Variants in GSG1L observed in about 807,000 individuals in gnomAD.
The protein encoded by GSG1L is germ cell-specific gene 1-like protein.
Under a neutral mutation model 42.1 loss-of-function variants are expected in GSG1L, and 24 were observed. The observed-to-expected ratio is 0.57, with a 90% CI of 0.41 to 0.80. The LOEUF (loss-of-function observed/expected upper bound fraction) is 0.80, where lower values mean the gene tolerates loss of function less well. GSG1L is among the 30% of genes least tolerant of loss of function. GSG1L has a pLI of 0.00. For missense variants in GSG1L, 445 were observed against 472.2 expected, an observed-to-expected ratio of 0.94 and a Z score of 0.53; for synonymous variants, 215 against 203.5, an observed-to-expected ratio of 1.06 and a Z score of -0.48.
At chr16:27,917,733 T>C (rs562253447) in intron 2 of GSG1L, among the ~76,000 whole-genome samples, 2 of 152,324 alleles carry the variant, frequency 1.3e-5, no homozygotes, top group Admixed American at 6.5e-5. Flanking sequence ...CAGACTTCTC[T>C]TAGTTGCAAG....
chr16:27,813,800 G>A (rs1314102635), intron 5 of GSG1L, among the ~76,000 whole-genome samples: 2 of 152,252 alleles, frequency 1.3e-5, no homozygotes, highest in East Asian at 3.9e-4. Flanking sequence ...GACAAGGGTA[G>A]GCTTTGGGCA....
chr16:27,790,575 T>A lies in GSG1L; in HGVS notation c.*795A>T, dbSNP rs1038710750. On this transcript the variant is annotated 3_prime_UTR_variant, in exon 7 of 7. Coordinates refer to ENST00000447459, the MANE Select transcript of GSG1L (RefSeq NM_001109763.2). The stretch of plus-strand genomic sequence containing the variant: ...CCTCCTCAGGGTCAGGGTGGTGTGA[T>A]GTTGCTGAGCTCTGAAGAGAAATGT... The A allele has an allele frequency of 3.9e-5, 6 of 152,426 alleles. No homozygotes were observed. Among genetic ancestry groups the A allele is most frequent in the Middle Eastern group, 3.4e-3 (1 of 294 alleles). 9.4% of individuals were successfully genotyped at this position (152,426 alleles called of 1,614,324 possible). A position where few individuals can be genotyped will look rare whatever the true frequency, so the allele number is the denominator to read the frequency against.
At chr16:27,875,615 G>A (rs2083878052) in intron 3 of GSG1L, among the ~76,000 whole-genome samples, 1 of 152,212 alleles carries the variant, frequency 6.6e-6, no homozygotes. Flanking sequence ...CCACTTGCCT[G>A]CTGTTGCATG....
intron 3 of GSG1L, among the ~76,000 whole-genome samples, chr16:27,845,589 G>A (rs798769): frequency 0.16 from 24,056 of 152,094 alleles, 2,040 homozygotes; most frequent in Admixed American, 0.24. Flanking sequence ...TTTGGCTGGG[G>A]TCAGGGGACC....
chr16:28,058,972 G>A (rs1408029249), intron 1 of GSG1L, among the ~76,000 whole-genome samples: 1 of 152,206 alleles, frequency 6.6e-6, no homozygotes, highest in Non-Finnish European at 1.5e-5. Context: ...GCTGGGTGCA[G>A]GATGAACTGG....
intron 1 of GSG1L, among the ~76,000 whole-genome samples, chr16:27,972,516 T>C (rs2085203990): frequency 6.6e-6 from 1 of 152,244 alleles, no homozygotes; most frequent in Non-Finnish European, 1.5e-5. Context: ...GTTTATATGT[T>C]TAGTTAAGGG....
chr16:27,861,183 C>T (rs919977749), intron 3 of GSG1L, among the ~76,000 whole-genome samples: 1 of 152,146 alleles, frequency 6.6e-6, no homozygotes, highest in Non-Finnish European at 1.5e-5. Context: ...GCCTGGCCAA[C>T]ATGGTGAAAC....
chr16:27,943,577 T>C (rs1171188426), intron 2 of GSG1L, among the ~76,000 whole-genome samples: 3 of 130,202 alleles, frequency 2.3e-5, no homozygotes, highest in African/African-American at 8.6e-5. Context: ...TTTTTTTTTT[T>C]TTTTTTTTTT....
chr16:27,924,469 T>C (rs890522085), intron 2 of GSG1L, among the ~76,000 whole-genome samples: 1 of 152,232 alleles, frequency 6.6e-6, no homozygotes, highest in African/African-American at 2.4e-5. Context: ...ATGCAGGGCC[T>C]ACAGTTTTGT....
At chr16:27,979,684 A>AGAGGAGG (rs2085296030) in intron 1 of GSG1L, among the ~76,000 whole-genome samples, 1 of 66,356 alleles carries the variant, frequency 1.5e-5, no homozygotes, top group Non-Finnish European at 3.2e-5. Context: ...AGAGAGAAAG[A>AGAGGAGG]AAGAAGGAAG....
At chr16:27,890,158 C>G (rs1194822652) in intron 2 of GSG1L, among the ~76,000 whole-genome samples, 3 of 152,150 alleles carry the variant, frequency 2.0e-5, no homozygotes, top group Non-Finnish European at 4.4e-5. Flanking sequence ...AGTCAAGGCT[C>G]TTATTCAAGA....
At chr16:28,004,725 C>T (rs1279905343) in intron 1 of GSG1L, among the ~76,000 whole-genome samples, 3 of 152,082 alleles carry the variant, frequency 2.0e-5, no homozygotes, top group Non-Finnish European at 4.4e-5. Context: ...CCGCAGTGAG[C>T]TATGATTGCG....
intron 6 of GSG1L, among the ~76,000 whole-genome samples, chr16:27,803,818 T>TATAG (rs2082919244): frequency 6.7e-6 from 1 of 148,446 alleles, no homozygotes; most frequent in Non-Finnish European, 1.5e-5. Flanking sequence ...TAGATATAGA[T>TATAG]ATAGATATAG....
intron 4 of GSG1L, among the ~76,000 whole-genome samples, chr16:27,830,216 C>G (rs1261142309): frequency 1.3e-5 from 2 of 152,190 alleles, no homozygotes; most frequent in Non-Finnish European, 2.9e-5. Context: ...GCTCCTGGAT[C>G]CCTGTTCTTC....
intron 1 of GSG1L, among the ~76,000 whole-genome samples, chr16:28,008,713 G>T (rs1369817608): frequency 6.6e-6 from 1 of 152,230 alleles, no homozygotes; most frequent in Non-Finnish European, 1.5e-5. Flanking sequence ...CAGGGCCCTA[G>T]CCCAGTGGCT....
intron 6 of GSG1L, among the ~76,000 whole-genome samples, chr16:27,801,432 C>A (rs932037594): frequency 3.3e-5 from 5 of 152,176 alleles, no homozygotes; most frequent in Admixed American, 1.3e-4. Context: ...TTAATAATGC[C>A]GGCTCCCTGA....
chr16:27,844,081 G>A (rs900082978), intron 4 of GSG1L, among the ~76,000 whole-genome samples: 2 of 152,122 alleles, frequency 1.3e-5, no homozygotes, highest in African/African-American at 2.4e-5. Context: ...TGGAACAAAC[G>A]TGTCCTGAAG....
intron 1 of GSG1L, among the ~76,000 whole-genome samples, chr16:28,026,538 T>C (rs947227306): frequency 6.6e-6 from 1 of 152,052 alleles, no homozygotes; most frequent in Admixed American, 6.6e-5. Context: ...ATACCAGGCA[T>C]TTACTTCTCA....
At chr16:27,796,303 G>C (rs180767929) in intron 6 of GSG1L, among the ~76,000 whole-genome samples, 6 of 152,314 alleles carry the variant, frequency 3.9e-5, no homozygotes, top group Admixed American at 2.0e-4. Flanking sequence ...AGCTTGAAGA[G>C]TGGTGGAAAA....
Sources: gnomAD v4.1 joint callset for allele counts (sites outside exome capture counted in the v4.1 genomes callset) on GRCh38, gnomAD v4.1.1 for gene constraint, MANE v1.5 for transcripts, NCBI Gene and HGNC (gene_info 2026-07-23, HGNC 2026-07-21) for gene names.